Variants in RYR3 observed in about 807,000 individuals in gnomAD.
The protein encoded by RYR3 is ryanodine receptor 3.
A neutral mutation model predicts 584.3 loss-of-function variants in RYR3; 207 were observed. The ratio of observed to expected loss-of-function variants is 0.35; its 90% CI spans 0.32 to 0.40. The LOEUF (loss-of-function observed/expected upper bound fraction) is 0.40, where lower values mean the gene tolerates loss of function less well. RYR3 is among the 10% of genes least tolerant of loss of function. The pLI is 1.00. For synonymous variants in RYR3, 2,416 were observed against 2,248.5 expected (o/e 1.07, Z -2.11); for missense variants, 5,616 against 6,089.2 (o/e 0.92, Z 2.59).
At chr15:33,329,112 A>G (rs1970085079) in intron 1 of RYR3, among the ~76,000 whole-genome samples, 2 of 152,124 alleles carry the variant, frequency 1.3e-5, no homozygotes, top group African/African-American at 4.8e-5. Flanking sequence ...AAGCCGAGGG[A>G]CAGTTTCCTG....
Position 33,853,614 on chromosome 15 carries a change from G to C in RYR3, c.13731G>C (p.Leu4577Phe). The C allele has an allele frequency of 6.2e-7, 1 of 1,613,938 alleles. No individual in the cohort carries two copies. Among genetic ancestry groups the C allele is most frequent in the Non-Finnish European group, 8.5e-7 (1 of 1,179,870 alleles). Residue 4577 changes from leucine to phenylalanine, a missense_variant, in exon 96 of 104, where the codon TTG becomes TTC. Transcript: ENST00000634891. ...GAERIAELLG[L>F]DKNALDFSPV... ...AACGCATTGCTGAACTTCTGGGTTT[G>C]GACAAAAATGCTCTTGACTTTAGCC...
Position 33,860,555 on chromosome 15 carries a change from C to A in RYR3, c.14300-40C>A, listed in dbSNP as rs2303309. 0.02 allele frequency: 25,852 copies of A among 1,294,762 alleles called. 2,092 individuals carry two copies. The East Asian group carries it at 0.3, about 15-fold the overall frequency. 80.2% of individuals were successfully genotyped at this position (1,294,762 alleles called of 1,614,324 possible). ...CTTTATCATTCCTCTACCCCTGAAC[C>A]ACTACACAGATTGCTTTGTCTTTGT... On this transcript the variant is annotated intron_variant, in intron 100 of 103. Transcript: ENST00000634891.
At position 33,857,929 on chromosome 15, in the gene RYR3, A is replaced by G. The variant is rs1178782053; in HGVS notation, c.14142+15A>G. The G allele has an allele frequency of 1.4e-6, 2 of 1,380,050 alleles. No individual in the cohort carries two copies. The highest frequency in any genetic ancestry group is 3.8e-5 in the Admixed American group (2 of 52,780). The allele number at this position is 1,380,050 out of a possible 1,614,324, so 85.5% of individuals were successfully genotyped here. On this transcript the variant is annotated intron_variant, in intron 99 of 103. Coordinates refer to ENST00000634891, the MANE Select transcript of RYR3 (RefSeq NM_001036.6). ...ACATGATGACGGTGAGAGCCCACCC[A>G]CTGCGGGGCCAGCCCACCCACTGCG...
rs1026263049 is a variant in RYR3, at chr15:33,848,403, G to A, written c.13610G>A (p.Arg4537His). Reference protein sequence around the residue: ...SEDDIKGQWDRLVINTPSFPN... With the variant: ...SEDDIKGQWDHLVINTPSFPN... ...GATGACATCAAGGGGCAGTGGGACC[G>A]CTTGGTGATCAACACACCGTGAGTG... The change falls in exon 94 of 104, where the codon CGC becomes CAC. Residue 4537 changes from arginine to histidine, a missense_variant. Around this residue, in one of 9 missense-constraint regions of RYR3, gnomAD observed 918 missense variants for 887.4 expected, o/e 1.03. Coordinates refer to ENST00000634891, the MANE Select transcript of RYR3 (RefSeq NM_001036.6). 9.9e-6 allele frequency: 16 copies of A among 1,612,802 alleles called. No homozygotes were observed. Among genetic ancestry groups the A allele is most frequent in the Middle Eastern group, 1.8e-4 (1 of 5,690 alleles).
chr15:33,454,160 A>G (rs16971146), intron 1 of RYR3, among the ~76,000 whole-genome samples: 5,733 of 152,306 alleles, frequency 0.038, 255 homozygotes, highest in African/African-American at 0.11. Flanking sequence ...ATTGGAAAAC[A>G]TGGCTTCTGT....
intron 16 of RYR3, among the ~76,000 whole-genome samples, chr15:33,593,851 T>C (rs2059249136): frequency 6.6e-6 from 1 of 152,196 alleles, no homozygotes; most frequent in African/African-American, 2.4e-5. Context: ...TGAAGACAAA[T>C]CATGGTAGGA....
intron 49 of RYR3, among the ~76,000 whole-genome samples, chr15:33,738,027 C>G: frequency 6.6e-6 from 1 of 152,094 alleles, no homozygotes; most frequent in East Asian, 1.9e-4. Context: ...TTGCAGCCCA[C>G]CATCCTCTCC....
intron 16 of RYR3, among the ~76,000 whole-genome samples, chr15:33,599,454 G>A (rs624342): frequency 0.11 from 16,720 of 152,150 alleles, 1,142 homozygotes; most frequent in African/African-American, 0.19. Flanking sequence ...AAGTACACTG[G>A]TTCAGTCTGG....
intron 14 of RYR3, among the ~76,000 whole-genome samples, chr15:33,583,279 C>T (rs141791614): frequency 6.6e-6 from 1 of 152,282 alleles, no homozygotes; most frequent in East Asian, 1.9e-4. Flanking sequence ...TTACATGTTG[C>T]TATTATTCAT....
At chr15:33,832,128 T>C (rs2077716434) in intron 86 of RYR3, among the ~76,000 whole-genome samples, 1 of 151,912 alleles carries the variant, frequency 6.6e-6, no homozygotes, top group South Asian at 2.1e-4. Context: ...ATCTCGTCTC[T>C]ACTAAAATAC....
intron 1 of RYR3, among the ~76,000 whole-genome samples, chr15:33,370,724 C>A (rs1265606619): frequency 1.3e-5 from 2 of 152,096 alleles, no homozygotes; most frequent in Non-Finnish European, 2.9e-5. Context: ...AGTAAAGCAT[C>A]CAGATGAACC....
At chr15:33,743,626 T>A (rs551160454) in intron 52 of RYR3, among the ~76,000 whole-genome samples, 4 of 152,186 alleles carry the variant, frequency 2.6e-5, no homozygotes, top group Non-Finnish European at 5.9e-5. Flanking sequence ...AAGAGTCACC[T>A]CCAGGAGCCC....
At chr15:33,659,908 C>T in intron 33 of RYR3, 102 bp downstream of exon 33, 1 of 808,112 alleles carries the variant, frequency 1.2e-6, no homozygotes, top group South Asian at 1.6e-5. Flanking sequence ...AGCCTGTTCA[C>T]TTCCCATAAG....
chr15:33,370,068 A>G lies in RYR3; in HGVS notation c.51+58972A>G, dbSNP rs371319851. Reference sequence around the variant, plus strand: ...TCGCTTATTTAAATGTTTCTGTGCTATTAACAAGTGTTTGAAAATGCATCT... The same window carrying G: ...TCGCTTATTTAAATGTTTCTGTGCTGTTAACAAGTGTTTGAAAATGCATCT... On this transcript the variant is annotated intron_variant, in intron 1 of 103. Coordinates refer to ENST00000634891, the MANE Select transcript of RYR3 (RefSeq NM_001036.6). 1.3e-4 allele frequency among the ~76,000 whole-genome samples: 20 copies of G among 152,366 alleles called. 2 individuals are homozygous for G. Among genetic ancestry groups the G allele is most frequent in the East Asian group, 9.6e-4 (5 of 5,190 alleles).
rs577095852 is a variant in RYR3 at position 33,647,364 on chromosome 15, C to T, written c.3942-60C>T. 2.3e-3 allele frequency: 3,132 copies of T among 1,384,216 alleles called. 79 individuals are homozygous for T. The South Asian group carries it at 0.035, about 15-fold the overall frequency. The allele number at this position is 1,384,216 out of a possible 1,614,324, so 85.7% of individuals were successfully genotyped here. A position where few individuals can be genotyped will look rare whatever the true frequency, so the allele number is the denominator to read the frequency against. ...ATTGAAGGTAGATCAAGTTGCCTGT[C>T]GGAACTGTGGGATTCTCAATACAGC... is the stretch of plus-strand genomic sequence containing the variant. On this transcript the variant is annotated intron_variant, in intron 29 of 103. Coordinates refer to ENST00000634891, the MANE Select transcript of RYR3 (RefSeq NM_001036.6).
intron 1 of RYR3, among the ~76,000 whole-genome samples, chr15:33,441,283 A>G (rs780005955): frequency 6.6e-6 from 1 of 152,176 alleles, no homozygotes; most frequent in Non-Finnish European, 1.5e-5. Flanking sequence ...CATCCTTTTC[A>G]GCCACAGTAT....
At chr15:33,478,716 T>C (rs1414607317) in intron 2 of RYR3, among the ~76,000 whole-genome samples, 1 of 152,242 alleles carries the variant, frequency 6.6e-6, no homozygotes, top group Non-Finnish European at 1.5e-5. Flanking sequence ...ATTTAACTAC[T>C]ATGGCCTTGT....
intron 1 of RYR3, among the ~76,000 whole-genome samples, chr15:33,366,650 A>T (rs1975537801): frequency 6.6e-6 from 1 of 152,226 alleles, no homozygotes. Flanking sequence ...GGACAAAGAT[A>T]AATCAGAGGA....
chr15:33,417,187 C>T (rs1249372130), intron 1 of RYR3, among the ~76,000 whole-genome samples: 5 of 151,954 alleles, frequency 3.3e-5, no homozygotes, highest in African/African-American at 1.2e-4. Flanking sequence ...TTTTTGGTTT[C>T]ATATGAATTT....
Sources: allele counts gnomAD v4.1 joint callset (sites outside exome capture counted in the v4.1 genomes callset), GRCh38; gene constraint gnomAD v4.1.1; regional missense constraint gnomAD v4.1.1; transcripts MANE v1.5; gene names NCBI Gene and HGNC (gene_info 2026-07-23, HGNC 2026-07-21).